Variants in RERG observed in about 807,000 individuals in gnomAD.
RERG encodes the protein ras-related and estrogen-regulated growth inhibitor.
In RERG, 25 loss-of-function variants were observed where a neutral mutation model predicts 23.2. That is an observed-to-expected ratio of 1.08 (90% CI 0.79 to 1.50). The LOEUF (loss-of-function observed/expected upper bound fraction) is 1.50. RERG is among the 40% of genes most tolerant of loss of function. The probability of loss-of-function intolerance (pLI) is 0.00; values close to 1 mark genes in which losing one functional copy is unlikely to be tolerated. For missense variants in RERG, 253 were observed against 250.1 expected, an observed-to-expected ratio of 1.01 and a Z score of -0.08; for synonymous variants, 81 against 89.1, an observed-to-expected ratio of 0.91 and a Z score of 0.51.
At chr12:15,174,475 A>AGTGTGTGTGTGT (rs35380924) in intron 2 of RERG, among the ~76,000 whole-genome samples, 40 of 148,000 alleles carry the variant, frequency 2.7e-4, no homozygotes, top group African/African-American at 9.5e-4. Flanking sequence ...GAGTTTGTTG[A>AGTGTGTGTGTGT]GTGTGTGTGT....
At chr12:15,204,469 C>T (rs1865258172) in intron 2 of RERG, among the ~76,000 whole-genome samples, 1 of 151,588 alleles carries the variant, frequency 6.6e-6, no homozygotes, top group Admixed American at 6.6e-5. Context: ...GTGTAAAACC[C>T]CTAGAAAAAA....
chr12:15,124,574 A>G (rs1460176530), intron 2 of RERG, among the ~76,000 whole-genome samples: 1 of 151,920 alleles, frequency 6.6e-6, no homozygotes, highest in Non-Finnish European at 1.5e-5. Flanking sequence ...ATATAATGCA[A>G]TTTTTTTCTA....
chr12:15,197,434 T>C (rs1022177966), intron 2 of RERG, among the ~76,000 whole-genome samples: 1 of 152,158 alleles, frequency 6.6e-6, no homozygotes, highest in African/African-American at 2.4e-5. Context: ...ACTGAAAAGA[T>C]CTGGCATTTG....
chr12:15,170,446 A>T (rs12826808), intron 2 of RERG, among the ~76,000 whole-genome samples: 42,389 of 151,804 alleles, frequency 0.28, 7,186 homozygotes, highest in African/African-American at 0.48. Flanking sequence ...GTGCTTTTTT[A>T]AAAAAAAGAA....
At chr12:15,200,802 T>C (rs1865205228) in intron 2 of RERG, among the ~76,000 whole-genome samples, 1 of 152,010 alleles carries the variant, frequency 6.6e-6, no homozygotes, top group South Asian at 2.1e-4. Flanking sequence ...TTTTGTGTTT[T>C]TAAAAGGCTT....
At chr12:15,145,249 A>G (rs1204005136) in intron 2 of RERG, among the ~76,000 whole-genome samples, 1 of 152,210 alleles carries the variant, frequency 6.6e-6, no homozygotes, top group Non-Finnish European at 1.5e-5. Context: ...AGCAAGGGAG[A>G]TAAATTTTGG....
chr12:15,125,033 A>T (rs1863911984), intron 2 of RERG, among the ~76,000 whole-genome samples: 1 of 151,952 alleles, frequency 6.6e-6, no homozygotes, highest in Admixed American at 6.6e-5. Flanking sequence ...CTATGGATGT[A>T]TATTAAGTGA....
At chr12:15,175,274 G>A (rs543690618) in intron 2 of RERG, among the ~76,000 whole-genome samples, 1 of 146,096 alleles carries the variant, frequency 6.8e-6, no homozygotes, top group African/African-American at 2.6e-5. Flanking sequence ...GCTAATGCTT[G>A]GTCAGAGATT....
At chr12:15,159,123 C>T (rs1371037572) in intron 2 of RERG, among the ~76,000 whole-genome samples, 2 of 152,274 alleles carry the variant, frequency 1.3e-5, no homozygotes, top group East Asian at 3.9e-4. Flanking sequence ...AAGAACTTGT[C>T]TTTCTCCCTG....
chr12:15,162,863 C>A (rs894150769), intron 2 of RERG, among the ~76,000 whole-genome samples: 2 of 152,266 alleles, frequency 1.3e-5, no homozygotes, highest in African/African-American at 4.8e-5. Context: ...AAAATGGAAC[C>A]TAGACCTCCT....
chr12:15,153,118 A>G (rs1346093268), intron 2 of RERG, among the ~76,000 whole-genome samples: 6 of 152,184 alleles, frequency 3.9e-5, no homozygotes, highest in Admixed American at 3.9e-4. Flanking sequence ...ATTTCCCTTA[A>G]GTAATGGAAA....
chr12:15,111,385 C>G lies in RERG; in HGVS notation c.151G>C (p.Asp51His), dbSNP rs763840267. Residue 51 changes from aspartate to histidine, a missense_variant, in exon 4 of 5, where the codon GAT (aspartate) becomes CAT (histidine). Physicochemically the swap from Asp to His is moderately conservative, Grantham distance 81. Transcript: ENST00000256953. ...STYRHQATID[D>H]EVVSMEILDT... is the part of the protein sequence containing the mutation. ...AGTATCTCCATGGAAACAACTTCAT[C>G]ATCGATGGTTGCTTGGTGTCGGTAG... 1 of 1,613,390 alleles carries G rather than the reference C, an allele frequency of 6.2e-7. No homozygotes were observed. The highest frequency in any genetic ancestry group is 8.5e-7 in the Non-Finnish European group (1 of 1,179,578).
intron 2 of RERG, among the ~76,000 whole-genome samples, chr12:15,213,421 T>C (rs758798756): frequency 2.0e-5 from 3 of 152,160 alleles, no homozygotes; most frequent in Non-Finnish European, 4.4e-5. Context: ...CCTTAGCCAA[T>C]GAAAGTAAAT....
intron 2 of RERG, among the ~76,000 whole-genome samples, chr12:15,128,195 T>C (rs1863982267): frequency 6.6e-6 from 1 of 152,204 alleles, no homozygotes; most frequent in South Asian, 2.1e-4. Flanking sequence ...TCTTCCTTAG[T>C]GGAGAAAATA....
chr12:15,142,605 G>A (rs192360890), intron 2 of RERG, among the ~76,000 whole-genome samples: 86 of 152,076 alleles, frequency 5.7e-4, no homozygotes, highest in African/African-American at 2.0e-3. Context: ...TTGTTTGGTG[G>A]CGACTTATCA....
At chr12:15,112,792 G>T (rs1863644918) in intron 3 of RERG, among the ~76,000 whole-genome samples, 1 of 152,118 alleles carries the variant, frequency 6.6e-6, no homozygotes, top group South Asian at 2.1e-4. Flanking sequence ...TCAAAGGAGA[G>T]AATAAAATAC....
chr12:15,140,003 C>T (rs1171357524), intron 2 of RERG, among the ~76,000 whole-genome samples: 1 of 152,094 alleles, frequency 6.6e-6, no homozygotes, highest in Non-Finnish European at 1.5e-5. Flanking sequence ...GCTTTTATTT[C>T]TGTAGAAAAT....
At chr12:15,124,163 G>A (rs1179221433) in intron 2 of RERG, among the ~76,000 whole-genome samples, 8 of 152,028 alleles carry the variant, frequency 5.3e-5, no homozygotes, top group Admixed American at 2.0e-4. Context: ...TAATCATTCA[G>A]TGGCATGATA....
At chr12:15,195,013 C>G (rs564709149) in intron 2 of RERG, among the ~76,000 whole-genome samples, 1 of 151,974 alleles carries the variant, frequency 6.6e-6, no homozygotes, top group African/African-American at 2.4e-5. Flanking sequence ...TATACATTAC[C>G]TTCCAGCAAA....
Sources: gnomAD v4.1 joint callset for allele counts (sites outside exome capture counted in the v4.1 genomes callset) on GRCh38, gnomAD v4.1.1 for gene constraint, MANE v1.5 for transcripts, NCBI Gene and HGNC (gene_info 2026-07-23, HGNC 2026-07-21) for gene names.